The following CDKN2B-AS1 variants were observed in gnomAD, a reference collection of about 807,000 sequenced individuals.
CDKN2B-AS1 encodes CDKN2B and CDKN2A antisense cis and trans regulatory RNA 1, also known as CDKN2B antisense RNA 1 (non-protein coding).
At chr9:22,011,622 C>T (rs1821513398) in intron 1 of CDKN2B-AS1, among the ~76,000 whole-genome samples, 1 of 151,972 alleles carries the variant, frequency 6.6e-6, no homozygotes, top group Admixed American at 6.5e-5. Flanking sequence ...AAGTAATAAA[C>T]TGGCTTATAA....
At chr9:22,105,094 T>G (rs1443014628) in intron 4 of CDKN2B-AS1, among the ~76,000 whole-genome samples, 1 of 152,184 alleles carries the variant, frequency 6.6e-6, no homozygotes, top group East Asian at 1.9e-4. Flanking sequence ...TGAAGAAAGA[T>G]GATTGAAACT....
rs71336509 is a variant in CDKN2B-AS1, at chr9:22,071,285, CTT to C, written n.438+14928_438+14929del. On this transcript the variant is annotated intron_variant and non_coding_transcript_variant, in intron 4 of 4. Transcript: ENST00000650946. ...AGAGGCCAGGCTTAGAAATATCTAG[CTT>C]TTTTTTTTTTTTTTTTTTTTTTTTT... 4.3e-3 allele frequency among the ~76,000 whole-genome samples: 289 copies of C among 67,576 alleles called. 1 individual carries two copies. The highest frequency in any genetic ancestry group is 0.019 in the African/African-American group (263 of 14,204). The allele number at this position is 67,576 out of a possible 152,430, so 44.3% of individuals were successfully genotyped here.
intron 4 of CDKN2B-AS1, among the ~76,000 whole-genome samples, chr9:22,121,945 T>C (rs1283133580): frequency 3.3e-5 from 5 of 152,098 alleles, no homozygotes; most frequent in Non-Finnish European, 7.4e-5. Flanking sequence ...CATAGTACTA[T>C]TCGTAGTTTT....
intron 2 of CDKN2B-AS1, among the ~76,000 whole-genome samples, chr9:22,047,302 C>G (rs1229683157): frequency 1.3e-5 from 2 of 152,160 alleles, no homozygotes; most frequent in Non-Finnish European, 2.9e-5. Context: ...TTATTTGCAT[C>G]CATTTATATG....
At chr9:22,010,528 C>A (rs1479310983) in intron 1 of CDKN2B-AS1, among the ~76,000 whole-genome samples, 1 of 151,904 alleles carries the variant, frequency 6.6e-6, no homozygotes, top group Non-Finnish European at 1.5e-5. Context: ...TTTTAGGATA[C>A]CTTAGCTCTG....
At chr9:22,076,683 T>A (rs1279084239) in intron 4 of CDKN2B-AS1, among the ~76,000 whole-genome samples, 1 of 152,028 alleles carries the variant, frequency 6.6e-6, no homozygotes, top group African/African-American at 2.4e-5. Flanking sequence ...AATACACCAT[T>A]TTTATTATTT....
intron 4 of CDKN2B-AS1, among the ~76,000 whole-genome samples, chr9:22,078,881 A>G (rs1179627704): frequency 6.6e-6 from 1 of 152,170 alleles, no homozygotes; most frequent in Non-Finnish European, 1.5e-5. Context: ...GCCATGTATG[A>G]TCTTCTTTTG....
At chr9:22,108,375 T>C (rs1033502703) in intron 4 of CDKN2B-AS1, among the ~76,000 whole-genome samples, 3 of 152,194 alleles carry the variant, frequency 2.0e-5, no homozygotes, top group African/African-American at 4.8e-5. Context: ...TCTATGCACA[T>C]TGCTTGGTCA....
At chr9:22,043,162 T>C (rs937489602) in intron 1 of CDKN2B-AS1, among the ~76,000 whole-genome samples, 3 of 152,098 alleles carry the variant, frequency 2.0e-5, no homozygotes, top group African/African-American at 7.2e-5. Flanking sequence ...CAAACATGTA[T>C]TGAGTGCTAC....
chr9:22,066,106 T>C (rs1336043608), intron 4 of CDKN2B-AS1: 1 of 152,210 alleles, frequency 6.6e-6, no homozygotes, highest in African/African-American at 2.4e-5. Context: ...TCTGATTATA[T>C]CCATTTGAAT....
intron 1 of CDKN2B-AS1, among the ~76,000 whole-genome samples, chr9:22,024,815 G>A (rs372748189): frequency 5.9e-5 from 9 of 152,274 alleles, no homozygotes; most frequent in South Asian, 2.1e-4. Flanking sequence ...GCTGGTGTGC[G>A]CAGTAAGGGC....
At chr9:22,059,670 G>T (rs1389360695) in intron 4 of CDKN2B-AS1, among the ~76,000 whole-genome samples, 2 of 152,324 alleles carry the variant, frequency 1.3e-5, no homozygotes, top group East Asian at 3.9e-4. Flanking sequence ...ACTGTGTGTG[G>T]GGGCTCTAAC....
chr9:22,055,860 T>C (rs1823538475), intron 3 of CDKN2B-AS1, among the ~76,000 whole-genome samples: 1 of 152,256 alleles, frequency 6.6e-6, no homozygotes, highest in Admixed American at 6.5e-5. Flanking sequence ...GGGGGGCCTA[T>C]ATTGGCATAT....
At chr9:22,045,766 G>A (rs918149429) in intron 1 of CDKN2B-AS1, among the ~76,000 whole-genome samples, 1 of 152,064 alleles carries the variant, frequency 6.6e-6, no homozygotes, top group Non-Finnish European at 1.5e-5. Context: ...TATAGACTTA[G>A]CAGTATGCTA....
chr9:22,085,720 CA>C (rs5896963), intron 4 of CDKN2B-AS1, among the ~76,000 whole-genome samples: 8,161 of 117,608 alleles, frequency 0.069, 587 homozygotes, highest in African/African-American at 0.21. Context: ...GACTCCGTCT[CA>C]AAAAAAAAAA....
intron 4 of CDKN2B-AS1, among the ~76,000 whole-genome samples, chr9:22,114,366 C>G (rs1825885768): frequency 6.6e-6 from 1 of 152,126 alleles, no homozygotes; most frequent in Non-Finnish European, 1.5e-5. Context: ...TTCAGGTCCT[C>G]TGAGAGAAAG....
intron 1 of CDKN2B-AS1, among the ~76,000 whole-genome samples, chr9:22,009,670 C>A (rs1439812737): frequency 6.6e-6 from 1 of 152,158 alleles, no homozygotes; most frequent in Non-Finnish European, 1.5e-5. Flanking sequence ...CCCTTGTGAC[C>A]GAGAGAAAGT....
At chr9:22,073,034 C>CT (rs954134094) in intron 4 of CDKN2B-AS1, among the ~76,000 whole-genome samples, 7 of 152,072 alleles carry the variant, frequency 4.6e-5, no homozygotes, top group African/African-American at 1.7e-4. Flanking sequence ...CAGACCATTC[C>CT]TTTTTTGCAC....
intron 1 of CDKN2B-AS1, among the ~76,000 whole-genome samples, chr9:22,028,339 A>G (rs1822325235): frequency 6.6e-6 from 1 of 152,152 alleles, no homozygotes; most frequent in African/African-American, 2.4e-5. Context: ...GAGTTAAAAT[A>G]AAAGTTTCAA....
Sources: allele counts gnomAD v4.1 joint callset (sites outside exome capture counted in the v4.1 genomes callset), GRCh38; gene constraint gnomAD v4.1.1; transcripts MANE v1.5; gene names NCBI Gene and HGNC (gene_info 2026-07-23, HGNC 2026-07-21).